PNPT1: variants seen among roughly 807,000 people sequenced by gnomAD.
PNPT1 encodes the protein polyribonucleotide nucleotidyltransferase 1, mitochondrial.
A neutral mutation model predicts 119.5 loss-of-function variants in PNPT1; 53 were observed. The observed-to-expected ratio is 0.44, with a 90% CI of 0.36 to 0.56. The LOEUF (loss-of-function observed/expected upper bound fraction) is 0.56, where lower values mean the gene tolerates loss of function less well. PNPT1 is among the 20% of genes least tolerant of loss of function. The pLI is 0.00. For synonymous variants in PNPT1, 357 were observed against 322.1 expected (o/e 1.11, Z -1.16); for missense variants, 948 against 938.5 (o/e 1.01, Z -0.13).
chr2:55,644,365 A>G (rs1400173446), intron 23 of PNPT1, among the ~76,000 whole-genome samples: 2 of 152,200 alleles, frequency 1.3e-5, no homozygotes, highest in African/African-American at 4.8e-5. Context: ...AAAAACTAAA[A>G]ATTATTCTAG....
chr2:55,655,178 TTAAAA>T lies in PNPT1; in HGVS notation c.1442-230_1442-226del, dbSNP rs553077717. ...AAGTGGTGACTTAAAGTTAAATCAA[TTAAAA>T]TAAATTTAATTCTTCAACTAGATAG... On this transcript the variant is annotated intron_variant, in intron 17 of 27. Coordinates refer to ENST00000447944, the MANE Select transcript of PNPT1 (RefSeq NM_033109.5). 1.6e-3 allele frequency among the ~76,000 whole-genome samples: 238 copies of T among 152,298 alleles called. 2 individuals are homozygous for T. In the Middle Eastern group the frequency reaches 0.024, roughly 15 times the overall value.
Position 55,680,859 on chromosome 2 carries a change from A to G in PNPT1, c.513T>C (p.Asn171=). 1 of 1,613,968 alleles carries G rather than the reference A, an allele frequency of 6.2e-7. No individual in the cohort carries two copies. The highest frequency in any genetic ancestry group is 8.5e-7 in the Non-Finnish European group (1 of 1,179,852). The change falls in exon 6 of 28, where the codon AAT becomes AAC. Residue 171 remains asparagine (N), a synonymous_variant. Coordinates refer to ENST00000447944, the MANE Select transcript of PNPT1 (RefSeq NM_033109.5). ...AATCTCTACTTTTATACTTACCGCCATTAATTGCTAGGACATCAGGCTCAT... is the reference window on the plus strand; with the variant it reads ...AATCTCTACTTTTATACTTACCGCCGTTAATTGCTAGGACATCAGGCTCAT... ...GVNEPDVLAI[N]GASVALSLSD... is the part of the protein sequence containing the mutation.
chr2:55,683,415 C>A (rs1036938539), intron 5 of PNPT1, among the ~76,000 whole-genome samples: 2 of 152,002 alleles, frequency 1.3e-5, no homozygotes, highest in Admixed American at 1.3e-4. Context: ...GAGTTCAAGA[C>A]CAGCCTGACC....
intron 26 of PNPT1, among the ~76,000 whole-genome samples, chr2:55,640,354 A>G (rs1259859642): frequency 1.3e-5 from 2 of 152,144 alleles, no homozygotes; most frequent in African/African-American, 4.8e-5. Flanking sequence ...GGGTTTCACC[A>G]TGTTGGTCAG....
At chr2:55,668,366 AG>A (rs1477457038) in intron 11 of PNPT1, among the ~76,000 whole-genome samples, 1 of 152,006 alleles carries the variant, frequency 6.6e-6, no homozygotes, top group African/African-American at 2.4e-5. Flanking sequence ...CATTCTGAGT[AG>A]CTGGGACTAC....
chr2:55,660,401 T>C lies in PNPT1; in HGVS notation c.1248-208A>G, dbSNP rs144910438. 4.4e-4 allele frequency among the ~76,000 whole-genome samples: 67 copies of C among 152,306 alleles called. No homozygotes were observed. In the East Asian group the frequency reaches 0.013, roughly 29 times the overall value. ...GGCTTATGAATGAATTGTACAGATTTAGGAAACCAATTTTACTTTAAATAT... is the reference window on the plus strand; with the variant it reads ...GGCTTATGAATGAATTGTACAGATTCAGGAAACCAATTTTACTTTAAATAT... On this transcript the variant is annotated intron_variant, in intron 14 of 27. Transcript: ENST00000447944.
At chr2:55,650,067 G>A (rs1696122602) in intron 18 of PNPT1, among the ~76,000 whole-genome samples, 1 of 150,780 alleles carries the variant, frequency 6.6e-6, no homozygotes, top group South Asian at 2.1e-4. Flanking sequence ...TCAAATAGGA[G>A]ATTTTATGTT....
At chr2:55,668,908 A>G (rs1414534673) in intron 11 of PNPT1, among the ~76,000 whole-genome samples, 1 of 152,216 alleles carries the variant, frequency 6.6e-6, no homozygotes, top group Non-Finnish European at 1.5e-5. Flanking sequence ...CCTAACTGAC[A>G]GTTTTAAGAG....
At chr2:55,651,172 G>A (rs1366723493) in intron 18 of PNPT1, among the ~76,000 whole-genome samples, 13 of 150,768 alleles carry the variant, frequency 8.6e-5, no homozygotes, top group East Asian at 2.0e-4. Context: ...CCCTCTGCCC[G>A]GCCAGCCGCC....
intron 1 of PNPT1, among the ~76,000 whole-genome samples, chr2:55,690,937 A>C (rs545702801): frequency 6.6e-6 from 1 of 152,360 alleles, no homozygotes; most frequent in South Asian, 2.1e-4. Context: ...AATCAGTATT[A>C]AGTAATGGTT....
chr2:55,645,021 AATTT>A, intron 22 of PNPT1: 1 of 285,148 alleles, frequency 3.5e-6, no homozygotes, highest in South Asian at 8.6e-5. Context: ...TGATCACTAA[AATTT>A]TTTTTTTTTT....
chr2:55,654,511 G>T (rs901687908), intron 18 of PNPT1, among the ~76,000 whole-genome samples: 4 of 152,132 alleles, frequency 2.6e-5, no homozygotes, highest in African/African-American at 9.7e-5. Context: ...CTTTTGGAAG[G>T]AAATAAAGTT....
chr2:55,671,519 T>G, intron 10 of PNPT1, 143 bp from the exon 11 acceptor site: 1 of 509,390 alleles, frequency 2.0e-6, no homozygotes, highest in Non-Finnish European at 3.4e-6. Context: ...GTTCTTGATT[T>G]ATGACAAATA....
chr2:55,683,883 T>C lies in PNPT1; in HGVS notation c.404-49A>G, dbSNP rs375010059. On this transcript the variant is annotated intron_variant, in intron 4 of 27. Transcript: ENST00000447944. ...TTAAACCGTACTGACAGAGTTGCTT[T>C]ACAGTTCAAAACGTTTGAACTAATA... 43 of 1,577,304 alleles carry C rather than the reference T, an allele frequency of 2.7e-5. No homozygotes were observed. The African/African-American group carries it at 4.9e-4, about 18-fold the overall frequency.
chr2:55,656,374 T>TAAA lies in PNPT1; in HGVS notation c.1285-6_1285-4dup, dbSNP rs745754666. The TAAA allele has an allele frequency of 3.9e-6, 5 of 1,274,176 alleles. No individual in the cohort carries two copies. The highest frequency in any genetic ancestry group is 4.6e-5 in the Admixed American group (2 of 43,922). 78.9% of individuals were successfully genotyped at this position (1,274,176 alleles called of 1,614,324 possible). ...TCATTAGTTGCATAAGGAGGAAACT[T>TAAA]AAAAAAAAAAAAACACAAACACACA... is the stretch of plus-strand genomic sequence containing the variant. On this transcript the variant is annotated splice_region_variant and splice_polypyrimidine_tract_variant and intron_variant, in intron 15 of 27. Transcript: ENST00000447944.
intron 1 of PNPT1, among the ~76,000 whole-genome samples, chr2:55,693,214 G>C (rs531646325): frequency 1.3e-5 from 2 of 152,216 alleles, no homozygotes; most frequent in Non-Finnish European, 2.9e-5. Context: ...GGGACGTGGG[G>C]GACCCGTGGT....
intron 1 of PNPT1, 133 bp from the exon 2 acceptor site, chr2:55,687,838 A>C (rs1442074231): frequency 2.2e-5 from 13 of 592,106 alleles, no homozygotes; most frequent in African/African-American, 5.7e-5. Context: ...AAAAAGGGGC[A>C]GAATCCATGA....
chr2:55,683,476 G>A (rs1345939737), intron 5 of PNPT1, among the ~76,000 whole-genome samples: 1 of 152,016 alleles, frequency 6.6e-6, no homozygotes, highest in Non-Finnish European at 1.5e-5. Context: ...AGTCGGGCAT[G>A]GTGGTGCGTG....
At chr2:55,689,771 G>C (rs974452644) in intron 1 of PNPT1, among the ~76,000 whole-genome samples, 2 of 152,088 alleles carry the variant, frequency 1.3e-5, no homozygotes, top group Non-Finnish European at 1.5e-5. Flanking sequence ...GGTGGTAATG[G>C]CTGCAAAACT....
Sources: allele counts gnomAD v4.1 joint callset (sites outside exome capture counted in the v4.1 genomes callset), GRCh38; gene constraint gnomAD v4.1.1; transcripts MANE v1.5; gene names NCBI Gene and HGNC (gene_info 2026-07-23, HGNC 2026-07-21).